Variants in SETBP1 observed in about 807,000 individuals in gnomAD.
SETBP1 encodes the protein SET-binding protein.
A neutral mutation model predicts 101.0 loss-of-function variants in SETBP1; 9 were observed. That is an observed-to-expected ratio of 0.09 (90% CI 0.05 to 0.16). The LOEUF (loss-of-function observed/expected upper bound fraction) is 0.16, where lower values mean the gene tolerates loss of function less well. Ranked by LOEUF, SETBP1 falls within the 10% of genes least tolerant of loss-of-function variation. SETBP1 has a pLI of 1.00. For synonymous variants in SETBP1, 818 were observed against 788.5 expected, an observed-to-expected ratio of 1.04 and a Z score of -0.63; for missense variants, 1,858 against 2,033.8, an observed-to-expected ratio of 0.91 and a Z score of 1.66.
chr18:44,861,794 C>T (rs1024743187), intron 2 of SETBP1, among the ~76,000 whole-genome samples: 1 of 152,188 alleles, frequency 6.6e-6, no homozygotes, highest in Non-Finnish European at 1.5e-5. Flanking sequence ...AAACTTCTCA[C>T]CCAAAAACCG....
chr18:44,730,265 A>G lies in SETBP1; in HGVS notation c.486+28433A>G, dbSNP rs1599043393. On this transcript the variant is annotated intron_variant, in intron 2 of 5. Coordinates refer to ENST00000649279, the MANE Select transcript of SETBP1 (RefSeq NM_015559.3). The stretch of plus-strand genomic sequence containing the variant: ...ACAAGTTTTATTCTGTCTATTCTAC[A>G]TAAGACAAACATGGAAAACTAAGAG... Among the ~76,000 whole-genome samples, 6 of 152,340 alleles carry G rather than the reference A, an allele frequency of 3.9e-5. 1 individual carries two copies. The highest frequency in any genetic ancestry group is 3.9e-4 in the Admixed American group (6 of 15,298).
At chr18:45,006,234 G>A (rs751639196) in intron 4 of SETBP1, among the ~76,000 whole-genome samples, 1 of 152,098 alleles carries the variant, frequency 6.6e-6, no homozygotes, top group Non-Finnish European at 1.5e-5. Context: ...TTACAGGCGT[G>A]AGCCACCATG....
At chr18:44,686,021 G>C (rs1040893899) in intron 1 of SETBP1, among the ~76,000 whole-genome samples, 1 of 152,208 alleles carries the variant, frequency 6.6e-6, no homozygotes, top group Non-Finnish European at 1.5e-5. Context: ...AGGCGAAGTG[G>C]AGAGAATGAG....
At chr18:44,735,218 T>C (rs1253943027) in intron 2 of SETBP1, among the ~76,000 whole-genome samples, 1 of 152,258 alleles carries the variant, frequency 6.6e-6, no homozygotes, top group African/African-American at 2.4e-5. Flanking sequence ...TCATGTGTGC[T>C]GAAATCAATT....
chr18:44,920,631 A>G (rs7244881), intron 3 of SETBP1, among the ~76,000 whole-genome samples: 37,388 of 151,944 alleles, frequency 0.25, 4,624 homozygotes, highest in East Asian at 0.27. Flanking sequence ...GTGCTTATCC[A>G]TCGTCATAAG....
rs142703622 is a variant in SETBP1, at chr18:44,970,245, A to G, written c.4000+16905A>G. 4.4e-3 allele frequency: 674 copies of G among 154,894 alleles called. 9 individuals are homozygous for G. Among genetic ancestry groups the G allele is most frequent in the African/African-American group, 0.016 (651 of 41,638 alleles). 9.6% of individuals were successfully genotyped at this position (154,894 alleles called of 1,614,324 possible). ...GGGAAAAGAAAGAGACTGACCAAAG[A>G]GATCCAGCCAGGCAGCCTTGTGCAA... On this transcript the variant is annotated intron_variant, in intron 4 of 5. Coordinates refer to ENST00000649279, the MANE Select transcript of SETBP1 (RefSeq NM_015559.3).
chr18:44,964,793 C>T (rs1567996686), intron 4 of SETBP1, among the ~76,000 whole-genome samples: 1 of 152,148 alleles, frequency 6.6e-6, no homozygotes, highest in East Asian at 1.9e-4. Context: ...TCATGCTCCC[C>T]CCAGGCCACA....
At chr18:44,817,886 G>A (rs960747430) in intron 2 of SETBP1, among the ~76,000 whole-genome samples, 1 of 152,124 alleles carries the variant, frequency 6.6e-6, no homozygotes, top group African/African-American at 2.4e-5. Context: ...TGGGAACAAT[G>A]GGCAACCAGA....
chr18:44,863,231 A>T (rs987916469), intron 2 of SETBP1, among the ~76,000 whole-genome samples: 4 of 152,130 alleles, frequency 2.6e-5, no homozygotes, highest in Non-Finnish European at 5.9e-5. Context: ...GACCCCTGAC[A>T]TATCTTACAA....
chr18:44,927,346 TG>T (rs1375953764), intron 3 of SETBP1, among the ~76,000 whole-genome samples: 5 of 152,200 alleles, frequency 3.3e-5, no homozygotes, highest in African/African-American at 7.2e-5. Context: ...CAGGCGCCAG[TG>T]CTCATCATTG....
intron 3 of SETBP1, among the ~76,000 whole-genome samples, chr18:44,928,996 G>A (rs1292867931): frequency 6.6e-6 from 1 of 152,146 alleles, no homozygotes; most frequent in Non-Finnish European, 1.5e-5. Context: ...TAGTCATGAA[G>A]TCCTTGCCCA....
At chr18:45,059,124 A>G (rs1335151466) in intron 5 of SETBP1, among the ~76,000 whole-genome samples, 3 of 152,202 alleles carry the variant, frequency 2.0e-5, no homozygotes, top group African/African-American at 7.2e-5. Context: ...ACAGAATAGC[A>G]TTAATAAACC....
chr18:44,697,882 C>T lies in SETBP1; in HGVS notation c.-172-3293C>T, dbSNP rs192479000. Among the ~76,000 whole-genome samples, 7 of 152,274 alleles carry T rather than the reference C, an allele frequency of 4.6e-5. No individual in the cohort carries two copies. In the East Asian group the frequency reaches 1.2e-3, roughly 25 times the overall value. ...TTTTTATTCATTTGTTTATTCATTC[C>T]TTCGTGCAACAAACATTTGGGGAAC... On this transcript the variant is annotated intron_variant, in intron 1 of 5. Transcript: ENST00000649279.
intron 3 of SETBP1, among the ~76,000 whole-genome samples, chr18:44,883,092 G>A (rs1331867698): frequency 6.6e-6 from 1 of 152,198 alleles, no homozygotes; most frequent in Non-Finnish European, 1.5e-5. Flanking sequence ...GGCAGAGATG[G>A]AGCTGCCTCA....
At chr18:44,826,226 G>A (rs752759853) in intron 2 of SETBP1, among the ~76,000 whole-genome samples, 1 of 151,948 alleles carries the variant, frequency 6.6e-6, no homozygotes, top group Non-Finnish European at 1.5e-5. Flanking sequence ...TCATTCATTG[G>A]GGCAAAGAAA....
At chr18:44,794,266 G>GTTTGAAAAAAA (rs74388613) in intron 2 of SETBP1, among the ~76,000 whole-genome samples, 20,563 of 152,168 alleles carry the variant, frequency 0.14, 2,007 homozygotes, top group African/African-American at 0.28. Context: ...GGATACAGCT[G>GTTTGAAAAAAA]TATTCTTAAA....
At chr18:45,027,918 T>C (rs1391282168) in intron 4 of SETBP1, among the ~76,000 whole-genome samples, 5 of 152,202 alleles carry the variant, frequency 3.3e-5, no homozygotes. Context: ...CTAGATGCCA[T>C]CTGCATTCCG....
intron 3 of SETBP1, among the ~76,000 whole-genome samples, chr18:44,889,913 G>A (rs766096460): frequency 1.3e-5 from 2 of 151,888 alleles, no homozygotes; most frequent in African/African-American, 2.4e-5. Context: ...ATTTAATGAA[G>A]GATTTTTAAA....
intron 3 of SETBP1, among the ~76,000 whole-genome samples, chr18:44,904,719 A>G (rs1273921708): frequency 6.6e-6 from 1 of 152,166 alleles, no homozygotes; most frequent in Non-Finnish European, 1.5e-5. Flanking sequence ...TCTGGCTAGT[A>G]AGCAATACTT....
Sources: allele counts gnomAD v4.1 joint callset (sites outside exome capture counted in the v4.1 genomes callset), GRCh38; gene constraint gnomAD v4.1.1; transcripts MANE v1.5; gene names NCBI Gene and HGNC (gene_info 2026-07-23, HGNC 2026-07-21).